The following POLD3 variants were observed in gnomAD, a reference collection of about 807,000 sequenced individuals.
POLD3 encodes the protein DNA polymerase delta subunit 3.
A neutral mutation model predicts 58.2 loss-of-function variants in POLD3; 19 were observed. The observed-to-expected ratio is 0.33, with a 90% CI of 0.23 to 0.48. The LOEUF is 0.48. Ranked by LOEUF, POLD3 falls within the 20% of genes least tolerant of loss-of-function variation. The pLI, the probability that POLD3 is intolerant of heterozygous loss-of-function variation, is 0.99. For synonymous variants in POLD3, 172 were observed against 193.5 expected (o/e 0.89, Z 0.92); for missense variants, 504 against 545.5 (o/e 0.92, Z 0.76).
At chr11:74,617,318 GTAT>G (rs2032109559) in intron 5 of POLD3, among the ~76,000 whole-genome samples, 1 of 152,212 alleles carries the variant, frequency 6.6e-6, no homozygotes, top group African/African-American at 2.4e-5. Context: ...GGTGCTGTTA[GTAT>G]TATTAGAAAT....
At chr11:74,633,173 T>A (rs1199653400) in intron 9 of POLD3, among the ~76,000 whole-genome samples, 1 of 152,154 alleles carries the variant, frequency 6.6e-6, no homozygotes, top group Non-Finnish European at 1.5e-5. Context: ...TTGCCTAAAT[T>A]TTCCTCCTCC....
At chr11:74,618,906 A>G (rs2032165222) in intron 6 of POLD3, 102 bp downstream of exon 6, 1 of 983,422 alleles carries the variant, frequency 1.0e-6, no homozygotes, top group African/African-American at 1.7e-5. Flanking sequence ...TAAGATTCTG[A>G]TATTCAGTTC....
intron 4 of POLD3, among the ~76,000 whole-genome samples, chr11:74,657,481 T>A (rs548287004): frequency 3.3e-5 from 5 of 150,090 alleles, no homozygotes; most frequent in Admixed American, 1.3e-4. Context: ...ATCTTATGAC[T>A]CATTATTTTA....
intron 5 of POLD3, among the ~76,000 whole-genome samples, chr11:74,614,831 C>T (rs1260506968): frequency 2.0e-5 from 3 of 151,984 alleles, no homozygotes; most frequent in Non-Finnish European, 4.4e-5. Flanking sequence ...GCTTGGGCAG[C>T]TGGGTACTAA....
rs181106851 is a variant in POLD3, at chr11:74,666,714, T to C, written c.370-2063T>C. Among the ~76,000 whole-genome samples the C allele has an allele frequency of 2.7e-3, 410 of 152,272 alleles. 2 individuals carry two copies. The highest frequency in any genetic ancestry group is 7.1e-3 in the African/African-American group (293 of 41,552). On this transcript the variant is annotated intron_variant, in intron 4 of 4. Transcript: ENST00000524752. Reference sequence around the variant, plus strand: ...TCAAAATCCCAGCTGGATTTTTTTTTCCCCAGAAATTGACAAGCTGACCCT... The same window carrying C: ...TCAAAATCCCAGCTGGATTTTTTTTCCCCCAGAAATTGACAAGCTGACCCT...
intron 3 of POLD3, among the ~76,000 whole-genome samples, chr11:74,606,559 T>G (rs1419063953): frequency 6.6e-6 from 1 of 152,176 alleles, no homozygotes; most frequent in Non-Finnish European, 1.5e-5. Flanking sequence ...AAATTTTGAG[T>G]TCATGGATCT....
At chr11:74,602,446 T>C (rs1373923229) in intron 2 of POLD3, among the ~76,000 whole-genome samples, 1 of 152,186 alleles carries the variant, frequency 6.6e-6, no homozygotes, top group Non-Finnish European at 1.5e-5. Context: ...CCTAGTCCAG[T>C]CATTTTTGAC....
chr11:74,614,109 A>G (rs1313684491), intron 5 of POLD3, among the ~76,000 whole-genome samples: 2 of 152,208 alleles, frequency 1.3e-5, no homozygotes, highest in African/African-American at 4.8e-5. Flanking sequence ...TAGATAGAAG[A>G]CTAAAGAGGC....
chr11:74,618,477 G>C (rs544138226), intron 5 of POLD3, 60 bp from the exon 6 acceptor site: 1 of 1,230,598 alleles, frequency 8.1e-7, no homozygotes, highest in Non-Finnish European at 1.1e-6. Flanking sequence ...TTCTTTTTTT[G>C]TTGAACCACC....
intron 4 of POLD3, among the ~76,000 whole-genome samples, chr11:74,656,966 G>GAGTGTTGAAGGCTCCGGCTATTATTGC (rs1554980867): frequency 7.2e-6 from 1 of 139,322 alleles, no homozygotes; most frequent in African/African-American, 2.7e-5. Flanking sequence ...GCTGAAAGTA[G>GAGTGTTGAAGGCTCCGGCTATTATTGC]ATTGGGGGCA....
Position 74,634,543 on chromosome 11 carries a change from G to A in POLD3, c.1007-40G>A, listed in dbSNP as rs777580895. On this transcript the variant is annotated intron_variant, in intron 9 of 11. Transcript: ENST00000263681. ...TGGAGAAGGCTTTATACCAGATAGTGCTTGTAGTTCTCTGATCTAAGTCCG... is the reference window on the plus strand; with the variant it reads ...TGGAGAAGGCTTTATACCAGATAGTACTTGTAGTTCTCTGATCTAAGTCCG... 5.7e-6 allele frequency: 6 copies of A among 1,058,048 alleles called. No individual in the cohort carries two copies. In the African/African-American group the frequency reaches 7.8e-5, roughly 14 times the overall value. 65.5% of individuals were successfully genotyped at this position (1,058,048 alleles called of 1,614,324 possible). A position where few individuals can be genotyped will look rare whatever the true frequency, so the allele number is the denominator to read the frequency against.
At chr11:74,609,364 ATATATATATTTTTTTTTTTT>A (rs1426553628) in intron 3 of POLD3, among the ~76,000 whole-genome samples, 816 of 43,158 alleles carry the variant, frequency 0.019, 47 homozygotes, top group African/African-American at 0.13. Context: ...ATATATATAT[ATATATATATTTTTTTTTTTT>A]TTTTTTTTTT....
chr11:74,602,996 G>T (rs1391457502), intron 2 of POLD3, among the ~76,000 whole-genome samples: 1 of 152,102 alleles, frequency 6.6e-6, no homozygotes, highest in Admixed American at 6.5e-5. Flanking sequence ...AACTTCTCAG[G>T]CACCCTCTGT....
chr11:74,608,001 A>G (rs2031756791), intron 3 of POLD3, among the ~76,000 whole-genome samples: 1 of 152,164 alleles, frequency 6.6e-6, no homozygotes, highest in Admixed American at 6.5e-5. Context: ...CTCATCCCAG[A>G]GATTCTTCCA....
At chr11:74,612,138 A>G (rs1187880940) in intron 4 of POLD3, among the ~76,000 whole-genome samples, 2 of 152,204 alleles carry the variant, frequency 1.3e-5, no homozygotes. Flanking sequence ...CACGCCAGGG[A>G]CACAAAAAAT....
intron 11 of POLD3, among the ~76,000 whole-genome samples, chr11:74,637,727 G>A (rs560736132): frequency 3.0e-4 from 46 of 151,212 alleles, no homozygotes; most frequent in Non-Finnish European, 4.1e-4. Flanking sequence ...TGTGTGATGT[G>A]GACTTTTTTG....
At position 74,641,072 on chromosome 11, in the gene POLD3, A is replaced by G. The variant is rs189565831; in HGVS notation, c.*306A>G. The G allele has an allele frequency of 4.1e-5, 43 of 1,044,018 alleles. 1 individual carries two copies. The Admixed American group carries it at 5.5e-4, about 13-fold the overall frequency. The allele number at this position is 1,044,018 out of a possible 1,614,324, so 64.7% of individuals were successfully genotyped here. ...TTCAGAATTCTCACTGAAGCCATTT[A>G]GTGGCTAACCCACTGTGCTCCACTC... is the stretch of plus-strand genomic sequence containing the variant. On this transcript the variant is annotated 3_prime_UTR_variant, in exon 12 of 12. Coordinates refer to ENST00000263681, the MANE Select transcript of POLD3 (RefSeq NM_006591.3).
chr11:74,592,929 T>C, intron 1 of POLD3: 1 of 1,407,022 alleles, frequency 7.1e-7, no homozygotes, highest in Non-Finnish European at 9.3e-7. Context: ...CCGCGTCCCT[T>C]GGGTGGGCGT....
chr11:74,630,291 G>A (rs11236178), intron 9 of POLD3, among the ~76,000 whole-genome samples: 62,965 of 151,382 alleles, frequency 0.42, 14,086 homozygotes, highest in Non-Finnish European at 0.51. Context: ...AGAGGCTTCC[G>A]AAAAAAGGAT....
Sources: gnomAD v4.1 joint callset for allele counts (sites outside exome capture counted in the v4.1 genomes callset) on GRCh38, gnomAD v4.1.1 for gene constraint, MANE v1.5 for transcripts, NCBI Gene and HGNC (gene_info 2026-07-23, HGNC 2026-07-21) for gene names.